Variants in DNAJC27 observed in about 807,000 individuals in gnomAD.
DNAJC27 encodes dnaJ homolog subfamily C member 27.
A neutral mutation model predicts 31.4 loss-of-function variants in DNAJC27; 25 were observed. The ratio of observed to expected loss-of-function variants is 0.80; its 90% CI spans 0.58 to 1.11. The LOEUF is 1.11. Ranked by LOEUF, DNAJC27 falls within the 50% of genes most tolerant of loss-of-function variation. The probability of loss-of-function intolerance (pLI) is 0.00; values close to 1 mark genes in which losing one functional copy is unlikely to be tolerated. For missense variants in DNAJC27, 356 were observed against 347.3 expected (o/e 1.02, Z -0.20); for synonymous variants, 106 against 112.7 (o/e 0.94, Z 0.37).
At chr2:24,964,969 A>G (rs1302406973) in intron 2 of DNAJC27, among the ~76,000 whole-genome samples, 2 of 152,094 alleles carry the variant, frequency 1.3e-5, no homozygotes, top group Admixed American at 1.3e-4. Flanking sequence ...ACACTTTGGG[A>G]GGCCGAGGTG....
At chr2:24,959,404 T>G (rs946317944) in intron 3 of DNAJC27, among the ~76,000 whole-genome samples, 1 of 152,216 alleles carries the variant, frequency 6.6e-6, no homozygotes, top group Non-Finnish European at 1.5e-5. Context: ...ATGAGCCCTC[T>G]CCTCTGAGGT....
chr2:24,971,594 G>T (rs748617513), intron 1 of DNAJC27: 1 of 469,690 alleles, frequency 2.1e-6, no homozygotes, highest in Admixed American at 4.1e-5. Flanking sequence ...GGCCACCCCA[G>T]ACACCATCTC....
intron 1 of DNAJC27, among the ~76,000 whole-genome samples, chr2:24,970,460 CTTTTTTTTTT>C (rs35742187): frequency 1.7e-4 from 21 of 120,114 alleles, no homozygotes; most frequent in African/African-American, 4.1e-4. Flanking sequence ...AGTAAAATTA[CTTTTTTTTTT>C]TTTTTTTTTT....
chr2:24,951,579 G>C (rs1332376622), intron 5 of DNAJC27, 25 bp from the exon 6 acceptor site: 1 of 1,571,960 alleles, frequency 6.4e-7, no homozygotes, highest in African/African-American at 1.4e-5. Flanking sequence ...CATAACCCAG[G>C]GTAGAAATGA....
At chr2:24,947,984 C>G (rs954658942) in intron 6 of DNAJC27, among the ~76,000 whole-genome samples, 1 of 152,060 alleles carries the variant, frequency 6.6e-6, no homozygotes, top group Non-Finnish European at 1.5e-5. Flanking sequence ...TAAATGCTAA[C>G]AAAACACTTA....
At chr2:24,948,115 G>A (rs1411601361) in intron 6 of DNAJC27, among the ~76,000 whole-genome samples, 1 of 152,144 alleles carries the variant, frequency 6.6e-6, no homozygotes, top group African/African-American at 2.4e-5. Context: ...GTTGCCTTCT[G>A]AAAGAAGGGG....
At chr2:24,950,598 G>A (rs961633029) in intron 6 of DNAJC27, among the ~76,000 whole-genome samples, 1 of 152,176 alleles carries the variant, frequency 6.6e-6, no homozygotes, top group Admixed American at 6.5e-5. Flanking sequence ...CGTAATCCCA[G>A]TAGTTTGGGA....
chr2:24,957,946 T>C lies in DNAJC27; in HGVS notation c.269A>G (p.Gln90Arg), dbSNP rs764429779. ...AACATCATAGACCAGTATCACACCC[T>C]GTGTGTCCTTGTAAAACTCATTTCG... ...EVRNEFYKDT[Q>R]GVILVYDVGQ... The change falls in exon 4 of 7, where the codon CAG (glutamine) becomes CGG (arginine). Residue 90 changes from glutamine to arginine, a missense_variant. Physicochemically the swap from Gln to Arg is conservative, Grantham distance 43. Coordinates refer to ENST00000264711, the MANE Select transcript of DNAJC27 (RefSeq NM_016544.3). The C allele has an allele frequency of 1.2e-6, 2 of 1,612,024 alleles. No homozygotes were observed. The highest frequency in any genetic ancestry group is 1.7e-5 in the Admixed American group (1 of 59,506).
At position 24,967,438 on chromosome 2, in the gene DNAJC27, C is replaced by T. The variant is rs137878355; in HGVS notation, c.88-145G>A. On this transcript the variant is annotated intron_variant, in intron 1 of 6. Transcript: ENST00000264711. The stretch of plus-strand genomic sequence containing the variant: ...AAAAGTGGCGGGGCGCGGTGGCTCA[C>T]GCCTGTCATCTCAGCACTTTCAGAG... 8.4e-4 allele frequency: 536 copies of T among 639,902 alleles called. 2 individuals are homozygous for T. Among genetic ancestry groups the T allele is most frequent in the African/African-American group, 8.3e-3 (439 of 53,070 alleles). The allele number at this position is 639,902 out of a possible 1,614,324, so 39.6% of individuals were successfully genotyped here. A position where few individuals can be genotyped will look rare whatever the true frequency, so the allele number is the denominator to read the frequency against.
chr2:24,971,807 G>T lies in DNAJC27; in HGVS notation c.87+11C>A, dbSNP rs561708577. 1.9e-5 allele frequency: 31 copies of T among 1,600,118 alleles called. No homozygotes were observed. Among genetic ancestry groups the T allele is most frequent in the Non-Finnish European group, 2.6e-5 (30 of 1,174,734 alleles). The stretch of plus-strand genomic sequence containing the variant: ...CGCTGGGGCCCGCCCCTCCCGGCTC[G>T]CTGTACTCACTTTCCCCACTTCGGC... On this transcript the variant is annotated intron_variant, in intron 1 of 6. Transcript: ENST00000264711.
At chr2:24,949,320 AG>A (rs1406268150) in intron 6 of DNAJC27, among the ~76,000 whole-genome samples, 2 of 152,248 alleles carry the variant, frequency 1.3e-5, no homozygotes, top group African/African-American at 4.8e-5. Context: ...CTTCCCCACA[AG>A]GGAGTCCTGG....
intron 3 of DNAJC27, among the ~76,000 whole-genome samples, chr2:24,962,215 TC>T (rs147144117): frequency 0.19 from 16,175 of 84,162 alleles, 2,234 homozygotes; most frequent in African/African-American, 0.37. Context: ...ATACTTTTTT[TC>T]TTTTGTTTTT....
intron 3 of DNAJC27, among the ~76,000 whole-genome samples, chr2:24,962,229 T>TG (rs1211781429): frequency 9.2e-5 from 14 of 151,732 alleles, no homozygotes; most frequent in African/African-American, 3.4e-4. Context: ...TTGTTTTTTT[T>TG]TGTGTTTTTT....
At chr2:24,952,325 C>T (rs1427502523) in intron 5 of DNAJC27, among the ~76,000 whole-genome samples, 1 of 152,156 alleles carries the variant, frequency 6.6e-6, no homozygotes, top group African/African-American at 2.4e-5. Flanking sequence ...ACTCTTTCAA[C>T]ATGTACTAAA....
chr2:24,951,311 G>C, intron 6 of DNAJC27, 83 bp downstream of exon 6: 1 of 1,331,496 alleles, frequency 7.5e-7, no homozygotes. Context: ...GCCAACTGGA[G>C]GAAGATATAC....
intron 1 of DNAJC27, chr2:24,969,143 T>C (rs1666262072): frequency 9.8e-6 from 2 of 205,050 alleles, no homozygotes; most frequent in African/African-American, 4.6e-5. Context: ...CAGGAGCAAG[T>C]CCCTTCTTGG....
chr2:24,961,902 G>A (rs1666051593), intron 3 of DNAJC27, among the ~76,000 whole-genome samples: 1 of 152,216 alleles, frequency 6.6e-6, no homozygotes, highest in African/African-American at 2.4e-5. Flanking sequence ...CATAAACTTA[G>A]TTGATAAGGC....
intron 1 of DNAJC27, among the ~76,000 whole-genome samples, chr2:24,970,897 C>T (rs979087946): frequency 2.6e-5 from 4 of 152,188 alleles, no homozygotes; most frequent in Non-Finnish European, 5.9e-5. Context: ...TAAACATTTA[C>T]TGAGCATCTC....
chr2:24,950,760 T>C (rs1439739128), intron 6 of DNAJC27, among the ~76,000 whole-genome samples: 2 of 151,962 alleles, frequency 1.3e-5, no homozygotes, highest in Non-Finnish European at 1.5e-5. Flanking sequence ...GGCAGGAGTA[T>C]TGCTTGAACC....
Sources: allele counts gnomAD v4.1 joint callset (sites outside exome capture counted in the v4.1 genomes callset), GRCh38; gene constraint gnomAD v4.1.1; transcripts MANE v1.5; gene names NCBI Gene and HGNC (gene_info 2026-07-23, HGNC 2026-07-21).